The following TMBIM4 variants were observed in gnomAD, a reference collection of about 807,000 sequenced individuals.
TMBIM4 encodes the protein transmembrane BAX inhibitor motif containing 4, also known as protein lifeguard 4.
TMBIM4 carries 28 observed loss-of-function variants against 27.7 expected under a neutral mutation model. The ratio of observed to expected loss-of-function variants is 1.01; its 90% CI spans 0.75 to 1.38. TMBIM4 has a LOEUF of 1.38. Among genes scored for constraint, TMBIM4 ranks in the 40% most tolerant of loss-of-function variants. TMBIM4 has a pLI of 0.00. For missense variants in TMBIM4, 265 were observed against 277.5 expected (o/e 0.95, Z 0.32); for synonymous variants, 115 against 113.1 (o/e 1.02, Z -0.11).
intron 4 of TMBIM4, 62 bp downstream of exon 4, chr12:66,147,846 C>T: frequency 2.9e-6 from 4 of 1,380,690 alleles, no homozygotes; most frequent in Non-Finnish European, 4.0e-6. Flanking sequence ...TACCTTTTTA[C>T]CTGAAAGATC....
chr12:66,147,873 T>C, intron 4 of TMBIM4, 35 bp downstream of exon 4: 1 of 1,583,760 alleles, frequency 6.3e-7, no homozygotes, highest in South Asian at 1.1e-5. Context: ...CATTAAAAAG[T>C]TATTATAACA....
chr12:66,139,371 C>T (rs1349953453), intron 5 of TMBIM4, among the ~76,000 whole-genome samples: 1 of 152,122 alleles, frequency 6.6e-6, no homozygotes, highest in Non-Finnish European at 1.5e-5. Context: ...TGCTTCAGGT[C>T]ACAGGGAATT....
rs767759720 is a variant in TMBIM4 at position 66,138,095 on chromosome 12, G to T, written c.582C>A (p.Ile194=). The T allele has an allele frequency of 1.2e-6, 2 of 1,613,984 alleles. No individual in the cohort carries two copies. The highest frequency in any genetic ancestry group is 1.7e-5 in the Admixed American group (1 of 60,000). ...AAGALLFCGF[I]IYDTHSLMHK... The stretch of plus-strand genomic sequence containing the variant: ...GCATCAGTGAGTGTGTGTCATAGAT[G>T]ATGAATCCACAGAAAAGAAGGGCTC... Residue 194 remains isoleucine (I), a synonymous_variant, in exon 7 of 7, where the codon ATC becomes ATA. Coordinates refer to ENST00000358230, the MANE Select transcript of TMBIM4 (RefSeq NM_016056.4).
Position 66,137,925 on chromosome 12 carries a change from T to G in TMBIM4, c.*35A>C. On this transcript the variant is annotated 3_prime_UTR_variant, in exon 7 of 7. Transcript: ENST00000358230. ...AATCCTTTTTTCTCATTAAATTTTT[T>G]TTGTTGTTCTTCAGTTGAGCTGAGA... 6.3e-7 allele frequency: 1 copy of G among 1,580,928 alleles called. No homozygotes were observed. Among genetic ancestry groups the G allele is most frequent in the Non-Finnish European group, 8.7e-7 (1 of 1,155,076 alleles).
intron 6 of TMBIM4, 87 bp from the exon 7 acceptor site, chr12:66,138,253 A>G (rs559317190): frequency 6.7e-7 from 1 of 1,496,524 alleles, no homozygotes; most frequent in East Asian, 2.4e-5. Context: ...ATTTACTGCT[A>G]CATTATACAT....
chr12:66,147,839 C>A, intron 4 of TMBIM4, 69 bp downstream of exon 4: 4 of 1,329,148 alleles, frequency 3.0e-6, no homozygotes, highest in Non-Finnish European at 2.1e-6. Context: ...CCCCAAATAC[C>A]TTTTTACCTG....
chr12:66,141,020 G>T (rs887620273), intron 5 of TMBIM4, among the ~76,000 whole-genome samples: 1 of 151,914 alleles, frequency 6.6e-6, no homozygotes, highest in Admixed American at 6.6e-5. Flanking sequence ...CCAAAACCTA[G>T]AATCTTACAC....
chr12:66,149,624 T>C (rs1388849542), intron 3 of TMBIM4, among the ~76,000 whole-genome samples: 1 of 152,056 alleles, frequency 6.6e-6, no homozygotes, highest in African/African-American at 2.4e-5. Context: ...GAAAACATGA[T>C]AATGTCCCTT....
chr12:66,143,871 T>C (rs1592536212), intron 5 of TMBIM4, among the ~76,000 whole-genome samples: 1 of 152,306 alleles, frequency 6.6e-6, no homozygotes, highest in Non-Finnish European at 1.5e-5. Context: ...GGCGTCACAG[T>C]AAGTAGTGCC....
In TMBIM4 at chr12:66,153,410, C is replaced by T. The variant is rs957578484; in HGVS notation, c.136G>A (p.Val46Ile). ...GTTGAAGTCACTGTAGTTAAGAGAA[C>T]CTGCAGAGAAAGAATGCTGTAGACT... ...RKVYSILSLQ[V>I]LLTTVTSTVF... The change falls in exon 2 of 7, where the codon GTT (valine) becomes ATT (isoleucine). Residue 46 changes from valine to isoleucine, a missense_variant. Transcript: ENST00000358230. 2.5e-6 allele frequency: 4 copies of T among 1,599,318 alleles called. No individual in the cohort carries two copies. In the African/African-American group the frequency reaches 5.4e-5, roughly 22 times the overall value.
intron 3 of TMBIM4, among the ~76,000 whole-genome samples, chr12:66,149,624 TAATGTCCCTTTAAAAC>T (rs1188372106): frequency 6.6e-6 from 1 of 152,056 alleles, no homozygotes; most frequent in African/African-American, 2.4e-5. Flanking sequence ...GAAAACATGA[TAATGTCCCTTTAAAAC>T]ATATACACAC....
intron 1 of TMBIM4, chr12:66,169,228 A>T (rs2052189232): frequency 2.9e-6 from 2 of 696,914 alleles, no homozygotes; most frequent in African/African-American, 1.8e-5. Context: ...TGAGCATTTT[A>T]AATTCAAAAA....
chr12:66,167,700 C>G (rs1013347924), intron 1 of TMBIM4, among the ~76,000 whole-genome samples: 1 of 152,084 alleles, frequency 6.6e-6, no homozygotes, highest in African/African-American at 2.4e-5. Context: ...ACAGTATGGC[C>G]GTTCCTTAAA....
intron 1 of TMBIM4, among the ~76,000 whole-genome samples, chr12:66,163,928 G>A (rs1039931283): frequency 6.6e-6 from 1 of 152,032 alleles, no homozygotes; most frequent in African/African-American, 2.4e-5. Context: ...GAAAATCCTC[G>A]ACAAAATACT....
intron 6 of TMBIM4, among the ~76,000 whole-genome samples, chr12:66,138,442 C>T (rs2051613690): frequency 6.6e-6 from 1 of 152,272 alleles, no homozygotes; most frequent in Admixed American, 6.5e-5. Flanking sequence ...TTTCGTTTTT[C>T]ACAATTAAAT....
intron 1 of TMBIM4, among the ~76,000 whole-genome samples, chr12:66,167,425 T>A (rs1023994486): frequency 6.6e-6 from 1 of 152,196 alleles, no homozygotes; most frequent in Admixed American, 6.5e-5. Flanking sequence ...TTTTAAAAAA[T>A]TAATTGGGCA....
chr12:66,144,491 A>T (rs11836532), intron 5 of TMBIM4, among the ~76,000 whole-genome samples: 7,374 of 152,190 alleles, frequency 0.048, 475 homozygotes, highest in African/African-American at 0.14. Flanking sequence ...GTGGGGGCAG[A>T]GAAGAACCAT....
chr12:66,169,384 C>T (rs1262260384), intron 1 of TMBIM4: 1 of 627,952 alleles, frequency 1.6e-6, no homozygotes, highest in Admixed American at 2.8e-5. Context: ...CGTCAGGGAG[C>T]TTCCAGCCTA....
chr12:66,147,417 C>T (rs532605354), intron 4 of TMBIM4, among the ~76,000 whole-genome samples: 5 of 152,218 alleles, frequency 3.3e-5, no homozygotes, highest in Non-Finnish European at 5.9e-5. Flanking sequence ...ATAACAGAAA[C>T]GGCCTTCAAA....
Sources: allele counts gnomAD v4.1 joint callset (sites outside exome capture counted in the v4.1 genomes callset), GRCh38; gene constraint gnomAD v4.1.1; transcripts MANE v1.5; gene names NCBI Gene and HGNC (gene_info 2026-07-23, HGNC 2026-07-21).